The following WIPF3 variants were observed in gnomAD, a reference collection of about 807,000 sequenced individuals.
WIPF3 encodes the protein WAS/WASL interacting protein family member 3.
A neutral mutation model predicts 38.9 loss-of-function variants in WIPF3; 33 were observed. That is an observed-to-expected ratio of 0.85 (90% CI 0.64 to 1.14). The LOEUF is 1.14. Ranked by LOEUF, WIPF3 falls within the 50% of genes most tolerant of loss-of-function variation. The pLI is 0.00. For synonymous variants in WIPF3, 324 were observed against 269.3 expected, an observed-to-expected ratio of 1.20 and a Z score of -1.99; for missense variants, 711 against 652.5, an observed-to-expected ratio of 1.09 and a Z score of -0.98.
At chr7:29,899,706 A>G (rs1387148020) in intron 7 of WIPF3, among the ~76,000 whole-genome samples, 2 of 152,262 alleles carry the variant, frequency 1.3e-5, no homozygotes, top group Non-Finnish European at 2.9e-5. Context: ...AAATGGGGCT[A>G]TCAAATATTT....
intron 8 of WIPF3, among the ~76,000 whole-genome samples, chr7:29,910,093 G>A (rs959745498): frequency 9.9e-5 from 15 of 152,066 alleles, no homozygotes; most frequent in Non-Finnish European, 1.9e-4. Context: ...TAACTGGATT[G>A]TCTGTAACCC....
At chr7:29,891,971 C>A (rs1443441551) in intron 7 of WIPF3, among the ~76,000 whole-genome samples, 4 of 152,146 alleles carry the variant, frequency 2.6e-5, no homozygotes, top group Non-Finnish European at 5.9e-5. Context: ...CATCAGAGCC[C>A]AAGGTGCCTG....
intron 7 of WIPF3, among the ~76,000 whole-genome samples, chr7:29,902,224 A>G (rs142123971): frequency 3.5e-4 from 51 of 146,860 alleles, no homozygotes; most frequent in African/African-American, 1.2e-3. Context: ...ACCCTCTCAC[A>G]TGGAATTAGA....
At chr7:29,840,186 C>G (rs1002182725) in intron 2 of WIPF3, among the ~76,000 whole-genome samples, 1 of 152,200 alleles carries the variant, frequency 6.6e-6, no homozygotes, top group African/African-American at 2.4e-5. Context: ...ATGCGCACAT[C>G]CTCTGCTTCT....
At chr7:29,867,722 A>G (rs925948428) in intron 2 of WIPF3, among the ~76,000 whole-genome samples, 3 of 152,164 alleles carry the variant, frequency 2.0e-5, no homozygotes, top group African/African-American at 7.2e-5. Flanking sequence ...AATTGAATTC[A>G]CATCTCTAGG....
At chr7:29,829,860 A>C (rs535730562) in intron 1 of WIPF3, among the ~76,000 whole-genome samples, 41 of 152,298 alleles carry the variant, frequency 2.7e-4, no homozygotes, top group African/African-American at 9.6e-4. Flanking sequence ...GTGTATTTCG[A>C]TGCTGTTTTG....
At chr7:29,808,405 T>C (rs946160264) in intron 1 of WIPF3, among the ~76,000 whole-genome samples, 11 of 152,256 alleles carry the variant, frequency 7.2e-5, no homozygotes, top group African/African-American at 2.7e-4. Flanking sequence ...GATATTGTTA[T>C]TGTGCCTTTT....
intron 1 of WIPF3, among the ~76,000 whole-genome samples, chr7:29,806,931 G>A (rs1159937802): frequency 6.6e-6 from 1 of 151,596 alleles, no homozygotes; most frequent in Non-Finnish European, 1.5e-5. Flanking sequence ...GCCGGGCCGG[G>A]CGGAAACAAA....
intron 1 of WIPF3, among the ~76,000 whole-genome samples, chr7:29,812,589 G>A (rs1019669354): frequency 1.3e-5 from 2 of 152,172 alleles, no homozygotes; most frequent in Non-Finnish European, 2.9e-5. Flanking sequence ...AGGAAGTGAT[G>A]CACTCCCTAG....
At chr7:29,896,213 G>C (rs1001656966) in intron 7 of WIPF3, among the ~76,000 whole-genome samples, 1 of 150,532 alleles carries the variant, frequency 6.6e-6, no homozygotes, top group Non-Finnish European at 1.5e-5. Context: ...GGAGGCTCAG[G>C]CAGGAGAATC....
intron 7 of WIPF3, among the ~76,000 whole-genome samples, chr7:29,899,252 T>C (rs968803884): frequency 3.3e-5 from 5 of 152,206 alleles, no homozygotes; most frequent in African/African-American, 4.8e-5. Flanking sequence ...CTTCCACATA[T>C]GAATTTTGGA....
intron 3 of WIPF3, 109 bp downstream of exon 3, chr7:29,876,071 TG>T: frequency 6.9e-7 from 1 of 1,456,618 alleles, no homozygotes; most frequent in Non-Finnish European, 9.3e-7. Context: ...AGGATGCATA[TG>T]GAGCCATCTC....
chr7:29,909,600 T>C (rs1786465875), intron 8 of WIPF3, among the ~76,000 whole-genome samples: 1 of 151,966 alleles, frequency 6.6e-6, no homozygotes, highest in African/African-American at 2.4e-5. Flanking sequence ...CAAATCACAA[T>C]GAAATAGAAA....
rs1246920024 is a variant in WIPF3 at position 29,859,798 on chromosome 7, TAA to T, written c.91-16031_91-16030del. Among the ~76,000 whole-genome samples the T allele has an allele frequency of 3.9e-5, 6 of 152,090 alleles. No individual in the cohort carries two copies. In the East Asian group the frequency reaches 1.2e-3, roughly 29 times the overall value. ...TGCATGGCCATTTTACATAAGTTTATAAGAGTGGAAATGCACAGAAGGGAATA... is the reference window on the plus strand; with the variant it reads ...TGCATGGCCATTTTACATAAGTTTATGAGTGGAAATGCACAGAAGGGAATA... On this transcript the variant is annotated intron_variant, in intron 2 of 8. Coordinates refer to ENST00000242140, the MANE Select transcript of WIPF3 (RefSeq NM_001080529.3).
chr7:29,879,238 T>G, intron 4 of WIPF3, 98 bp downstream of exon 4: 2 of 1,442,306 alleles, frequency 1.4e-6, no homozygotes, highest in South Asian at 2.5e-5. Flanking sequence ...AACATGGTTT[T>G]ACTGAACGGG....
chr7:29,881,133 TC>T (rs1388448831), intron 4 of WIPF3, among the ~76,000 whole-genome samples: 9 of 152,196 alleles, frequency 5.9e-5, no homozygotes, highest in Non-Finnish European at 1.3e-4. Context: ...GATCAAAGTG[TC>T]CGTGAGGTCT....
At chr7:29,888,515 G>GTGTGTC (rs1554348010) in intron 6 of WIPF3, among the ~76,000 whole-genome samples, 1 of 150,428 alleles carries the variant, frequency 6.6e-6, no homozygotes, top group African/African-American at 2.4e-5. Flanking sequence ...GTGTGCGTGT[G>GTGTGTC]TGTGTGTGTG....
intron 7 of WIPF3, among the ~76,000 whole-genome samples, chr7:29,898,450 G>T (rs1301564934): frequency 6.6e-6 from 1 of 152,106 alleles, no homozygotes; most frequent in African/African-American, 2.4e-5. Flanking sequence ...AGGATCCACT[G>T]CTTCACACTG....
chr7:29,842,875 G>T (rs141801493), intron 2 of WIPF3, among the ~76,000 whole-genome samples: 1 of 152,292 alleles, frequency 6.6e-6, no homozygotes, highest in East Asian at 1.9e-4. Context: ...ATAATGAAAG[G>T]CTTAAAAATT....
Sources: allele counts gnomAD v4.1 joint callset (sites outside exome capture counted in the v4.1 genomes callset), GRCh38; gene constraint gnomAD v4.1.1; transcripts MANE v1.5; gene names NCBI Gene and HGNC (gene_info 2026-07-23, HGNC 2026-07-21).